The following IGF2BP3 variants were observed in gnomAD, a reference collection of about 807,000 sequenced individuals.
The protein encoded by IGF2BP3 is insulin like growth factor 2 mRNA binding protein 3.
A neutral mutation model predicts 73.8 loss-of-function variants in IGF2BP3; 9 were observed. The ratio of observed to expected loss-of-function variants is 0.12; its 90% CI spans 0.07 to 0.21. The LOEUF (loss-of-function observed/expected upper bound fraction) is 0.21. Among genes scored for constraint, IGF2BP3 ranks in the 10% least tolerant of loss-of-function variants. The pLI, the probability that IGF2BP3 is intolerant of heterozygous loss-of-function variation, is 1.00. For synonymous variants in IGF2BP3, 258 were observed against 256.7 expected (o/e 1.01, Z -0.05); for missense variants, 542 against 714.0 (o/e 0.76, Z 2.75).
At chr7:23,364,934 G>C (rs1434008292) in intron 3 of IGF2BP3, among the ~76,000 whole-genome samples, 10 of 152,168 alleles carry the variant, frequency 6.6e-5, no homozygotes, top group African/African-American at 2.4e-5. Context: ...GGGAGGCCGA[G>C]GCAGGTGGAT....
At position 23,329,258 on chromosome 7, in the gene IGF2BP3, T is replaced by C. The variant is rs1329779649; in HGVS notation, c.1204-10004A>G. Among the ~76,000 whole-genome samples the C allele has an allele frequency of 3.3e-5, 5 of 151,620 alleles. No individual in the cohort carries two copies. The East Asian group carries it at 5.8e-4, about 18-fold the overall frequency. On this transcript the variant is annotated intron_variant, in intron 10 of 14. Coordinates refer to ENST00000258729, the MANE Select transcript of IGF2BP3 (RefSeq NM_006547.3). ...CAAGGAATGGATACAATAAATAACA[T>C]CCTAATTTGCTTTTTTACCTTAACT... is the stretch of plus-strand genomic sequence containing the variant.
intron 10 of IGF2BP3, among the ~76,000 whole-genome samples, chr7:23,326,974 G>A (rs906420083): frequency 6.7e-6 from 1 of 149,532 alleles, no homozygotes; most frequent in Non-Finnish European, 1.5e-5. Flanking sequence ...GCTAGATGAC[G>A]AGTTAGTGGG....
rs79951377 is a variant in IGF2BP3, at chr7:23,343,332, A to G, written c.1077+386T>C. Among the ~76,000 whole-genome samples the G allele has an allele frequency of 2.9e-4, 44 of 152,370 alleles. No individual in the cohort carries two copies. The East Asian group carries it at 8.1e-3, about 28-fold the overall frequency. On this transcript the variant is annotated intron_variant, in intron 9 of 14. Coordinates refer to ENST00000258729, the MANE Select transcript of IGF2BP3 (RefSeq NM_006547.3). ...GCCTCAGAGAGACTGAGTAAATCAT[A>G]TAAGAGAAGAGAGCTGCAGCTCATA...
At position 23,430,264 on chromosome 7, in the gene IGF2BP3, T is replaced by C. The variant is rs190553345; in HGVS notation, c.237-11440A>G. Among the ~76,000 whole-genome samples the C allele has an allele frequency of 1.0e-3, 157 of 152,274 alleles. 4 individuals carry two copies. The East Asian group carries it at 0.029, about 28-fold the overall frequency. ...ATGCCCAGTTAATTTTTTGTATTTT[T>C]AGTAGAGACGGGGTTTCACCATGCT... On this transcript the variant is annotated intron_variant, in intron 2 of 14. Transcript: ENST00000258729.
chr7:23,369,982 G>A (rs562656812), intron 3 of IGF2BP3, among the ~76,000 whole-genome samples: 1 of 152,246 alleles, frequency 6.6e-6, no homozygotes, highest in African/African-American at 2.4e-5. Context: ...AACACTCCAT[G>A]ACTATATCCT....
chr7:23,398,517 A>C (rs904214818), intron 3 of IGF2BP3, among the ~76,000 whole-genome samples: 3 of 152,224 alleles, frequency 2.0e-5, no homozygotes, highest in African/African-American at 7.2e-5. Flanking sequence ...GAACTAGTTT[A>C]CAGTCCCACC....
At chr7:23,371,493 G>C (rs774288075) in intron 3 of IGF2BP3, among the ~76,000 whole-genome samples, 1 of 152,084 alleles carries the variant, frequency 6.6e-6, no homozygotes, top group Non-Finnish European at 1.5e-5. Flanking sequence ...GTTAAATATT[G>C]ATATATAATT....
intron 3 of IGF2BP3, among the ~76,000 whole-genome samples, chr7:23,418,247 G>A (rs150023880): frequency 2.6e-5 from 4 of 152,186 alleles, no homozygotes; most frequent in Non-Finnish European, 4.4e-5. Flanking sequence ...TTCAACTACT[G>A]GTGTCTCAGA....
rs1388894215 is a variant in IGF2BP3 at position 23,443,154 on chromosome 7, C to G, written c.237-24330G>C. Among the ~76,000 whole-genome samples the G allele has an allele frequency of 2.2e-5, 3 of 138,670 alleles. No homozygotes were observed. In the Admixed American group the frequency reaches 2.2e-4, roughly 10 times the overall value. The allele number at this position is 138,670 out of a possible 152,430, so 91.0% of individuals were successfully genotyped here. Reference sequence around the variant, plus strand: ...TTGAGACTGTGTCTTGCTCTGTCACCCAGGCTGGTGACACCACACCCAGTG... The same window carrying G: ...TTGAGACTGTGTCTTGCTCTGTCACGCAGGCTGGTGACACCACACCCAGTG... On this transcript the variant is annotated intron_variant, in intron 2 of 14. Coordinates refer to ENST00000258729, the MANE Select transcript of IGF2BP3 (RefSeq NM_006547.3).
intron 3 of IGF2BP3, among the ~76,000 whole-genome samples, chr7:23,371,802 A>G (rs1313241364): frequency 2.0e-5 from 3 of 152,092 alleles, no homozygotes; most frequent in African/African-American, 7.2e-5. Context: ...CATGGGGAGG[A>G]GATGATGCTT....
intron 3 of IGF2BP3, chr7:23,396,340 T>G (rs1388632348): frequency 6.6e-6 from 1 of 152,476 alleles, no homozygotes; most frequent in African/African-American, 2.4e-5. Flanking sequence ...CCTAGGAGTT[T>G]GATGCAGCAG....
intron 3 of IGF2BP3, among the ~76,000 whole-genome samples, chr7:23,367,323 C>T (rs1225610131): frequency 6.6e-6 from 1 of 151,978 alleles, no homozygotes; most frequent in Non-Finnish European, 1.5e-5. Flanking sequence ...AGACAGTGTT[C>T]CTGTTACCTG....
At chr7:23,426,173 A>T (rs1195574974) in intron 2 of IGF2BP3, among the ~76,000 whole-genome samples, 4 of 151,598 alleles carry the variant, frequency 2.6e-5, no homozygotes, top group African/African-American at 7.3e-5. Flanking sequence ...CTGAAAATAC[A>T]AAAATTAGCC....
In IGF2BP3 at chr7:23,360,423, G is replaced by T. The variant is rs904322869; in HGVS notation, c.401+1111C>A. ...TATGGTATCATTTGTGTAAAAGGAG[G>T]AATACATACATGTAGCATTTGTTTT... On this transcript the variant is annotated intron_variant, in intron 5 of 14. Transcript: ENST00000258729. Among the ~76,000 whole-genome samples, 8 of 152,134 alleles carry T rather than the reference G, an allele frequency of 5.3e-5. 1 individual carries two copies. Among genetic ancestry groups the T allele is most frequent in the Admixed American group, 2.0e-4 (3 of 15,262 alleles).
At chr7:23,327,475 G>T (rs1379250477) in intron 10 of IGF2BP3, among the ~76,000 whole-genome samples, 1 of 151,834 alleles carries the variant, frequency 6.6e-6, no homozygotes, top group Admixed American at 6.6e-5. Context: ...TAGAGACGGG[G>T]TTTCACCGTG....
At chr7:23,438,400 C>T (rs1787853653) in intron 2 of IGF2BP3, among the ~76,000 whole-genome samples, 1 of 152,092 alleles carries the variant, frequency 6.6e-6, no homozygotes, top group Non-Finnish European at 1.5e-5. Context: ...CAGGCATGAA[C>T]CACCAAGCCA....
Position 23,469,021 on chromosome 7 carries a change from G to A in IGF2BP3, c.176-479C>T, listed in dbSNP as rs1197866954. ...ACAGGGAGTGGCGAGAAAGGGTCGG[G>A]GACGGCAGGGGAGACCACGAACGGG... On this transcript the variant is annotated intron_variant, in intron 1 of 14. Coordinates refer to ENST00000258729, the MANE Select transcript of IGF2BP3 (RefSeq NM_006547.3). The surrounding 1 kb of genome is among the most constrained non-coding windows in gnomAD (Gnocchi z 6.1). 6.6e-6 allele frequency among the ~76,000 whole-genome samples: 1 copy of A among 152,250 alleles called. No individual in the cohort carries two copies. The highest frequency in any genetic ancestry group is 1.5e-5 in the Non-Finnish European group (1 of 68,038).
At chr7:23,366,383 C>G (rs574414443) in intron 3 of IGF2BP3, among the ~76,000 whole-genome samples, 13 of 152,144 alleles carry the variant, frequency 8.5e-5, no homozygotes, top group Non-Finnish European at 1.5e-5. Flanking sequence ...AGTGATCCAC[C>G]CACCTTGGTC....
At chr7:23,452,418 C>T (rs1788222955) in intron 2 of IGF2BP3, among the ~76,000 whole-genome samples, 1 of 152,162 alleles carries the variant, frequency 6.6e-6, no homozygotes, top group Non-Finnish European at 1.5e-5. Context: ...TAATAGAATA[C>T]TACAAGTGAA....
Sources: allele counts gnomAD v4.1 joint callset (sites outside exome capture counted in the v4.1 genomes callset), GRCh38; gene constraint gnomAD v4.1.1; non-coding constraint Gnocchi (gnomAD v3.1); transcripts MANE v1.5; gene names NCBI Gene and HGNC (gene_info 2026-07-23, HGNC 2026-07-21).